Variants in ANKS1A observed in about 807,000 individuals in gnomAD.
ANKS1A encodes ankyrin repeat and SAM domain-containing protein 1A.
Under a neutral mutation model 120.3 loss-of-function variants are expected in ANKS1A, and 55 were observed. The observed-to-expected ratio is 0.46, with a 90% confidence interval of 0.37 to 0.57. ANKS1A has a LOEUF of 0.57. Among genes scored for constraint, ANKS1A ranks in the 20% least tolerant of loss-of-function variants. ANKS1A has a pLI of 0.00. For missense variants in ANKS1A, 1,123 were observed against 1,480.3 expected, an observed-to-expected ratio of 0.76 and a Z score of 3.96; for synonymous variants, 590 against 604.7, an observed-to-expected ratio of 0.98 and a Z score of 0.36.
Position 35,085,588 on chromosome 6 carries a change from G to A in ANKS1A, c.3133-178G>A, listed in dbSNP as rs1278721875. ...CTCCCGGCCACATCCTGTGTAGAGC[G>A]GGAAGAACAACAGAGACCTAGGAAG... On this transcript the variant is annotated intron_variant, in intron 21 of 23. Transcript: ENST00000360359. This position sits in a 1 kb window ranked among gnomAD's most constrained non-coding sequence, Gnocchi z 4.7. 1.3e-5 allele frequency among the ~76,000 whole-genome samples: 2 copies of A among 148,590 alleles called. No individual in the cohort carries two copies. Among genetic ancestry groups the A allele is most frequent in the African/African-American group, 4.9e-5 (2 of 40,722 alleles).
In ANKS1A at chr6:35,060,119, A is replaced by G. The variant is rs756337287; in HGVS notation, c.2078-28A>G. 1.3e-6 allele frequency: 2 copies of G among 1,591,984 alleles called. No individual in the cohort carries two copies. Among genetic ancestry groups the G allele is most frequent in the Non-Finnish European group, 1.7e-6 (2 of 1,164,044 alleles). ...CCGCCTTAATGGTTTTTCCCTTTTC[A>G]AGCGTCTGCCGATTCCTCTCTCATC... On this transcript the variant is annotated intron_variant, in intron 12 of 23. Coordinates refer to ENST00000360359, the MANE Select transcript of ANKS1A (RefSeq NM_015245.3). This position sits in a 1 kb window ranked among gnomAD's most constrained non-coding sequence, Gnocchi z 4.5.
In ANKS1A at chr6:35,017,869, C is replaced by T. The variant is rs552408081; in HGVS notation, c.1820C>T (p.Ala607Val). 2.7e-5 allele frequency: 44 copies of T among 1,614,178 alleles called. 2 individuals carry two copies. Among genetic ancestry groups the T allele is most frequent in the South Asian group, 2.5e-4 (23 of 91,086 alleles). ...EGDRSGARSR[A>V]PPTSKPKAEL... The stretch of plus-strand genomic sequence containing the variant: ...GACCGGAGTGGGGCCAGGAGCCGAG[C>T]GCCTCCCACTAGCAAACCCAAAGCT... The change falls in exon 11 of 24, where the codon GCG (alanine) becomes GTG (valine). Residue 607 changes from alanine to valine, a missense_variant. Ala to Val is a moderately conservative substitution (Grantham distance 64). Around this residue, in one of 3 missense-constraint regions of ANKS1A, gnomAD observed 904 missense variants for 1,130.4 expected, o/e 0.80. Coordinates refer to ENST00000360359, the MANE Select transcript of ANKS1A (RefSeq NM_015245.3).
At chr6:34,968,908 T>A (rs1771036887) in intron 2 of ANKS1A, among the ~76,000 whole-genome samples, 1 of 152,216 alleles carries the variant, frequency 6.6e-6, no homozygotes, top group Non-Finnish European at 1.5e-5. Context: ...CCTTCAACAT[T>A]AAACATTTCT....
chr6:35,005,499 C>T (rs1230114671), intron 10 of ANKS1A, among the ~76,000 whole-genome samples: 1 of 151,926 alleles, frequency 6.6e-6, no homozygotes, highest in East Asian at 1.9e-4. Flanking sequence ...TGTTAAACAA[C>T]AAGAAAGATT....
At chr6:35,035,989 G>A (rs936786712) in intron 11 of ANKS1A, among the ~76,000 whole-genome samples, 6 of 152,176 alleles carry the variant, frequency 3.9e-5, no homozygotes, top group Admixed American at 6.5e-5. Context: ...AGTTGAGGAG[G>A]TTATCATAGC....
At chr6:34,909,452 T>C (rs1767804417) in intron 1 of ANKS1A, among the ~76,000 whole-genome samples, 1 of 152,172 alleles carries the variant, frequency 6.6e-6, no homozygotes, top group African/African-American at 2.4e-5. Context: ...TCAAAGAACA[T>C]CAGTTAACAC....
chr6:34,965,655 T>G (rs1390780291), intron 1 of ANKS1A, among the ~76,000 whole-genome samples: 1 of 152,146 alleles, frequency 6.6e-6, no homozygotes, highest in African/African-American at 2.4e-5. Context: ...CCGGCCAAAA[T>G]TTTATAAATA....
intron 11 of ANKS1A, chr6:35,038,129 G>A: frequency 2.2e-6 from 1 of 453,826 alleles, no homozygotes; most frequent in African/African-American, 2.0e-5. Context: ...GCCAGCCTGT[G>A]CCTTTCCTCT....
In ANKS1A at chr6:35,079,848, C is replaced by T. The variant is rs377063452; in HGVS notation, c.2464C>T (p.Arg822Cys). The change falls in exon 16 of 24, where the codon CGC becomes TGC. Residue 822 changes from arginine to cysteine, a missense_variant. Coordinates refer to ENST00000360359, the MANE Select transcript of ANKS1A (RefSeq NM_015245.3). Reference sequence around the variant, plus strand: ...CCTGAAGGTCCAGCTGCTCGGCCATCGCAAGCGCATCATCGCCTCCCTCGC... The same window carrying T: ...CCTGAAGGTCCAGCTGCTCGGCCATTGCAAGCGCATCATCGCCTCCCTCGC... ...NVLKVQLLGHRKRIIASLADR... is the reference protein window; with the variant it reads ...NVLKVQLLGHCKRIIASLADR... 5 of 1,573,404 alleles carry T rather than the reference C, an allele frequency of 3.2e-6. No individual in the cohort carries two copies. Among genetic ancestry groups the T allele is most frequent in the South Asian group, 1.2e-5 (1 of 86,114 alleles).
intron 1 of ANKS1A, among the ~76,000 whole-genome samples, chr6:34,943,175 G>T (rs1769617661): frequency 6.6e-6 from 1 of 152,120 alleles, no homozygotes; most frequent in Admixed American, 6.5e-5. Flanking sequence ...GGCTGGTCTT[G>T]AACTCTTGGG....
intron 1 of ANKS1A, among the ~76,000 whole-genome samples, chr6:34,900,738 GTC>G (rs1767305930): frequency 6.6e-6 from 1 of 152,002 alleles, no homozygotes; most frequent in African/African-American, 2.4e-5. Flanking sequence ...AGGCCCCAGA[GTC>G]TTTGCTCTTG....
rs575634510 is a variant in ANKS1A at position 35,081,550 on chromosome 6, G to A, written c.2709+392G>A. Among the ~76,000 whole-genome samples the A allele has an allele frequency of 4.7e-4, 72 of 152,206 alleles. 2 individuals carry two copies. In the South Asian group the frequency reaches 0.015, roughly 31 times the overall value. On this transcript the variant is annotated intron_variant, in intron 17 of 23. Transcript: ENST00000360359. ...CTCCTTCTTGGCCCCTTCCTTCTCTGCTTACCCACGTTGTTCCCCAGAACT... is the reference window on the plus strand; with the variant it reads ...CTCCTTCTTGGCCCCTTCCTTCTCTACTTACCCACGTTGTTCCCCAGAACT...
intron 1 of ANKS1A, among the ~76,000 whole-genome samples, chr6:34,950,377 C>T (rs9380474): frequency 4.6e-5 from 7 of 151,944 alleles, no homozygotes; most frequent in East Asian, 3.9e-4. Flanking sequence ...TACGGGCACC[C>T]GCCACCACGC....
chr6:34,917,333 T>G (rs1267807258), intron 1 of ANKS1A, among the ~76,000 whole-genome samples: 1 of 152,206 alleles, frequency 6.6e-6, no homozygotes, highest in Admixed American at 6.5e-5. Flanking sequence ...GTGTAGTTTG[T>G]GGAGAGGCAG....
At chr6:34,992,748 T>C (rs976314962) in intron 9 of ANKS1A, among the ~76,000 whole-genome samples, 6 of 152,262 alleles carry the variant, frequency 3.9e-5, no homozygotes, top group African/African-American at 1.4e-4. Flanking sequence ...GGTAGCTTGC[T>C]GTAAGTGGAG....
At chr6:34,930,674 AG>A (rs1768935167) in intron 1 of ANKS1A, among the ~76,000 whole-genome samples, 1 of 151,938 alleles carries the variant, frequency 6.6e-6, no homozygotes, top group Non-Finnish European at 1.5e-5. Flanking sequence ...GTTTTTGTGC[AG>A]TTCCTCTCAT....
chr6:35,027,327 C>G (rs533864905), intron 11 of ANKS1A, among the ~76,000 whole-genome samples: 1 of 152,272 alleles, frequency 6.6e-6, no homozygotes, highest in South Asian at 2.1e-4. Flanking sequence ...AATACATCCT[C>G]TCAGGAGCCA....
At chr6:34,971,933 A>G (rs1192491583) in intron 3 of ANKS1A, among the ~76,000 whole-genome samples, 2 of 152,214 alleles carry the variant, frequency 1.3e-5, no homozygotes, top group Non-Finnish European at 2.9e-5. Context: ...TTGGGAATGA[A>G]AAGTATCTGT....
At chr6:34,974,641 G>A (rs957391865) in intron 3 of ANKS1A, among the ~76,000 whole-genome samples, 16 of 152,032 alleles carry the variant, frequency 1.1e-4, no homozygotes, top group Admixed American at 9.8e-4. Flanking sequence ...AAGTTCTGGG[G>A]TGCGACTTAT....
Sources: gnomAD v4.1 joint callset for allele counts (sites outside exome capture counted in the v4.1 genomes callset) on GRCh38, gnomAD v4.1.1 for gene constraint, gnomAD v4.1.1 regional missense constraint, Gnocchi (gnomAD v3.1) non-coding constraint, MANE v1.5 for transcripts, NCBI Gene and HGNC (gene_info 2026-07-23, HGNC 2026-07-21) for gene names.